NLGN4Y: variants seen among roughly 807,000 people sequenced by gnomAD.
NLGN4Y encodes the protein neuroligin-4, Y-linked.
Under a neutral mutation model 8.4 loss-of-function variants are expected in NLGN4Y, and 4 were observed. The observed-to-expected ratio is 0.48, with a 90% CI of 0.23 to 1.09. The LOEUF is 1.09. NLGN4Y is among the 50% of genes least tolerant of loss of function. NLGN4Y has a pLI of 0.19. For synonymous variants in NLGN4Y, 35 were observed against 75.6 expected (o/e 0.46, Z 2.78); for missense variants, 90 against 192.3 (o/e 0.47, Z 3.15).
intron 2 of NLGN4Y, among the ~76,000 whole-genome samples, chrY:14,627,074 A>G: frequency 3.2e-5 from 1 of 30,779 alleles, no homozygotes; most frequent in Non-Finnish European, 7.8e-5. Context: ...AGTCCCAGCT[A>G]CTCGGGAGGC....
upstream of NLGN4Y, chrY:14,523,948 T>C: frequency 1.8e-5 from 1 of 54,522 alleles, no homozygotes; most frequent in South Asian, 1.8e-4. Flanking sequence ...CATGCACCCC[T>C]TTCCCGTGTG....
chrY:14,614,043 C>T, intron 1 of NLGN4Y, among the ~76,000 whole-genome samples: 1 of 33,287 alleles, frequency 3.0e-5, no homozygotes, highest in African/African-American at 1.2e-4. Flanking sequence ...AAATAATTTA[C>T]GCTCCCACCA....
chrY:14,641,796 C>T, intron 2 of NLGN4Y, among the ~76,000 whole-genome samples: 1 of 33,253 alleles, frequency 3.0e-5, no homozygotes, highest in Admixed American at 2.7e-4. Flanking sequence ...TCCTATTTCC[C>T]CTGTCCACTA....
chrY:14,598,056 A>G (rs774688605), intron 1 of NLGN4Y, among the ~76,000 whole-genome samples: 1 of 34,442 alleles, frequency 2.9e-5, no homozygotes, highest in African/African-American at 1.1e-4. Context: ...CAGGGTGCTG[A>G]CTGATGTATT....
intron 1 of NLGN4Y, among the ~76,000 whole-genome samples, chrY:14,549,109 G>A (rs377508651): frequency 9.3e-5 from 3 of 32,329 alleles, no homozygotes; most frequent in Non-Finnish European, 7.5e-5. Context: ...AAATTGTCTC[G>A]TCATCTTCCC....
intron 4 of NLGN4Y, among the ~76,000 whole-genome samples, chrY:14,746,324 A>C: frequency 3.0e-5 from 1 of 33,436 alleles, no homozygotes; most frequent in Non-Finnish European, 7.4e-5. Flanking sequence ...TGGTGAAACC[A>C]GGGAAGAGTC....
At chrY:14,594,641 T>C (rs2080387527) in intron 1 of NLGN4Y, among the ~76,000 whole-genome samples, 1 of 33,162 alleles carries the variant, frequency 3.0e-5, no homozygotes, top group South Asian at 6.8e-4. Flanking sequence ...GCTGATGGAT[T>C]GGGTAATAAA....
chrY:14,555,361 CT>C (rs2150472907), intron 1 of NLGN4Y, among the ~76,000 whole-genome samples: 1 of 33,061 alleles, frequency 3.0e-5, no homozygotes, highest in Admixed American at 2.8e-4. Flanking sequence ...TTGATAGTGC[CT>C]TTTCCTTGTA....
At chrY:14,682,133 T>C in intron 2 of NLGN4Y, among the ~76,000 whole-genome samples, 3 of 33,123 alleles carry the variant, frequency 9.1e-5, no homozygotes, top group Non-Finnish European at 1.5e-4. Flanking sequence ...TGATCATAGT[T>C]TTGAGGGAAA....
intron 2 of NLGN4Y, among the ~76,000 whole-genome samples, chrY:14,637,845 GTT>G (rs1218191228): frequency 4.2e-4 from 9 of 21,204 alleles, no homozygotes; most frequent in African/African-American, 1.4e-3. Context: ...GGTTGCCTAT[GTT>G]TTTTTTTTTT....
chrY:14,569,409 G>A, intron 1 of NLGN4Y, among the ~76,000 whole-genome samples: 1 of 32,954 alleles, frequency 3.0e-5, no homozygotes, highest in Non-Finnish European at 7.5e-5. Context: ...TTAGTATGGT[G>A]GCCTCCAGCA....
intron 2 of NLGN4Y, among the ~76,000 whole-genome samples, chrY:14,689,366 TA>T (rs2080802042): frequency 3.1e-5 from 1 of 32,752 alleles, no homozygotes; most frequent in African/African-American, 1.2e-4. Context: ...TCTTTCCAGT[TA>T]GGGGCAGGGC....
chrY:14,531,568 TATA>T (rs2080114983), intron 1 of NLGN4Y, among the ~76,000 whole-genome samples: 1 of 31,120 alleles, frequency 3.2e-5, no homozygotes, highest in Non-Finnish European at 7.7e-5. Flanking sequence ...ATTATATAAA[TATA>T]AGTTATATAT....
intron 4 of NLGN4Y, among the ~76,000 whole-genome samples, chrY:14,799,007 T>A: frequency 2.9e-5 from 1 of 34,064 alleles, no homozygotes; most frequent in African/African-American, 1.1e-4. Context: ...GCAGCCTCTT[T>A]AACATCCTTT....
chrY:14,736,288 A>AT (rs2080991546), intron 4 of NLGN4Y, among the ~76,000 whole-genome samples: 1 of 33,274 alleles, frequency 3.0e-5, no homozygotes, highest in Non-Finnish European at 7.4e-5. Context: ...TAGCCCCTTC[A>AT]TTTTTGTGAA....
chrY:14,806,343 TG>T (rs756843353), intron 4 of NLGN4Y, among the ~76,000 whole-genome samples: 125 of 32,338 alleles, frequency 3.9e-3, no homozygotes, highest in Non-Finnish European at 8.6e-3. Flanking sequence ...ATAGCCTCCA[TG>T]TGCTGTCTAC....
At chrY:14,578,606 G>C in intron 1 of NLGN4Y, among the ~76,000 whole-genome samples, 2 of 33,165 alleles carry the variant, frequency 6.0e-5, no homozygotes, top group Admixed American at 5.6e-4. Context: ...AAGAAGAGGA[G>C]AGAGACAGAA....
intron 2 of NLGN4Y, among the ~76,000 whole-genome samples, chrY:14,708,829 C>G: frequency 3.0e-5 from 1 of 33,441 alleles, no homozygotes; most frequent in Non-Finnish European, 7.4e-5. Context: ...CAAAGCATCT[C>G]AAACAACCTC....
At chrY:14,639,910 G>C in intron 2 of NLGN4Y, 1 of 111,547 alleles carries the variant, frequency 9.0e-6, no homozygotes, top group South Asian at 4.6e-5. Flanking sequence ...CCTGTGCAAA[G>C]GCCTTCTTTT....
Sources: gnomAD v4.1 joint callset for allele counts (sites outside exome capture counted in the v4.1 genomes callset) on GRCh38, gnomAD v4.1.1 for gene constraint, MANE v1.5 for transcripts, NCBI Gene and HGNC (gene_info 2026-07-23, HGNC 2026-07-21) for gene names.